The following UBQLN1 variants were observed in gnomAD, a reference collection of about 807,000 sequenced individuals.
The protein encoded by UBQLN1 is ubiquilin-1.
Under a neutral mutation model 65.4 loss-of-function variants are expected in UBQLN1, and 13 were observed. The observed-to-expected ratio is 0.20, with a 90% CI of 0.13 to 0.32. The LOEUF is 0.32. UBQLN1 is among the 10% of genes least tolerant of loss of function. UBQLN1 has a pLI of 1.00. For synonymous variants in UBQLN1, 267 were observed against 247.8 expected (o/e 1.08, Z -0.73); for missense variants, 561 against 724.0 (o/e 0.77, Z 2.58).
At chr9:83,692,745 G>A (rs1273201687) in intron 1 of UBQLN1, among the ~76,000 whole-genome samples, 1 of 152,150 alleles carries the variant, frequency 6.6e-6, no homozygotes, top group East Asian at 1.9e-4. Context: ...CCAGCTACTT[G>A]GGAGGCTGGG....
intron 7 of UBQLN1, 120 bp from the exon 8 acceptor site, chr9:83,666,553 C>A: frequency 3.4e-6 from 3 of 878,768 alleles, no homozygotes; most frequent in Admixed American, 2.6e-5. Flanking sequence ...GAAGGTAGAA[C>A]ATAAATAAAA....
At chr9:83,702,928 C>T (rs1832335606) in intron 1 of UBQLN1, among the ~76,000 whole-genome samples, 1 of 152,140 alleles carries the variant, frequency 6.6e-6, no homozygotes, top group African/African-American at 2.4e-5. Flanking sequence ...CTTTCTAAAA[C>T]CAGAGTATAT....
At chr9:83,670,233 T>C (rs989696679) in intron 6 of UBQLN1, among the ~76,000 whole-genome samples, 3 of 152,118 alleles carry the variant, frequency 2.0e-5, no homozygotes, top group Non-Finnish European at 4.4e-5. Flanking sequence ...AGTCAACTCA[T>C]TAGGTTTTTC....
intron 1 of UBQLN1, among the ~76,000 whole-genome samples, chr9:83,703,302 C>T (rs1258460221): frequency 2.6e-5 from 4 of 152,030 alleles, no homozygotes; most frequent in African/African-American, 9.7e-5. Context: ...AATTTTTTAA[C>T]ACCATGACAT....
intron 1 of UBQLN1, among the ~76,000 whole-genome samples, chr9:83,705,210 C>G (rs1326674960): frequency 6.7e-6 from 1 of 149,572 alleles, no homozygotes; most frequent in Non-Finnish European, 1.5e-5. Context: ...ATGATACAAG[C>G]ATTTTTCAGT....
At chr9:83,700,147 T>C (rs1016397869) in intron 1 of UBQLN1, among the ~76,000 whole-genome samples, 2 of 152,214 alleles carry the variant, frequency 1.3e-5, no homozygotes, top group African/African-American at 4.8e-5. Context: ...AATGGATAGC[T>C]ATTCATATCA....
At position 83,664,049 on chromosome 9, in the gene UBQLN1, G is replaced by A; in HGVS notation, c.1449-6C>T. On this transcript the variant is annotated splice_region_variant and splice_polypyrimidine_tract_variant and intron_variant, in intron 9 of 10. Transcript: ENST00000376395. ...CCCCCAAGCCAGGAGTAAACCTACAGAAAGCACAAATAGGAAATATCCTAA... is the reference window on the plus strand; with the variant it reads ...CCCCCAAGCCAGGAGTAAACCTACAAAAAGCACAAATAGGAAATATCCTAA... The A allele has an allele frequency of 6.2e-7, 1 of 1,610,598 alleles. No individual in the cohort carries two copies.
At chr9:83,677,565 A>AAAAACAAAAC (rs138593223) in intron 6 of UBQLN1, among the ~76,000 whole-genome samples, 162 bp downstream of exon 6, 54 of 151,876 alleles carry the variant, frequency 3.6e-4, no homozygotes, top group East Asian at 2.3e-3. Flanking sequence ...TCTATCTCAA[A>AAAAACAAAAC]AAAACAAAAC....
intron 1 of UBQLN1, among the ~76,000 whole-genome samples, chr9:83,699,715 A>G (rs1413848696): frequency 6.6e-6 from 1 of 152,204 alleles, no homozygotes; most frequent in Non-Finnish European, 1.5e-5. Flanking sequence ...TGAACAAGAT[A>G]TATTAACAGG....
intron 6 of UBQLN1, among the ~76,000 whole-genome samples, chr9:83,669,795 C>T (rs926809116): frequency 6.6e-6 from 1 of 152,208 alleles, no homozygotes; most frequent in Admixed American, 6.5e-5. Flanking sequence ...CCCATTTTCA[C>T]TGTGTACTGC....
At chr9:83,669,703 CAT>C (rs1219101283) in intron 6 of UBQLN1, among the ~76,000 whole-genome samples, 3 of 152,188 alleles carry the variant, frequency 2.0e-5, no homozygotes, top group East Asian at 1.9e-4. Flanking sequence ...TAATTAGAAT[CAT>C]ATTCGGCACT....
intron 1 of UBQLN1, among the ~76,000 whole-genome samples, chr9:83,688,053 C>T (rs1271953284): frequency 6.6e-6 from 1 of 152,164 alleles, no homozygotes; most frequent in African/African-American, 2.4e-5. Context: ...TTTAACTATA[C>T]TCCCATTATT....
chr9:83,673,580 A>AAAAAAAAAAAC (rs1554727531), intron 6 of UBQLN1, among the ~76,000 whole-genome samples: 1 of 109,594 alleles, frequency 9.1e-6, no homozygotes, highest in African/African-American at 4.1e-5. Flanking sequence ...AAAAAAAAAA[A>AAAAAAAAAAAC]CTGCGCTTAC....
chr9:83,675,544 C>T (rs1207312633), intron 6 of UBQLN1, among the ~76,000 whole-genome samples: 1 of 152,106 alleles, frequency 6.6e-6, no homozygotes, highest in African/African-American at 2.4e-5. Context: ...GCTCATACCA[C>T]CAGCAACATT....
intron 6 of UBQLN1, among the ~76,000 whole-genome samples, chr9:83,671,940 T>C (rs1346688649): frequency 1.3e-5 from 2 of 152,252 alleles, no homozygotes; most frequent in Non-Finnish European, 2.9e-5. Context: ...GCCACGTTCC[T>C]TGATGATCTT....
In UBQLN1 at chr9:83,697,251, T is replaced by TG. The variant is rs1232653261; in HGVS notation, c.180+10248_180+10249insC. On this transcript the variant is annotated intron_variant, in intron 1 of 10. Coordinates refer to ENST00000376395, the MANE Select transcript of UBQLN1 (RefSeq NM_013438.5). The stretch of plus-strand genomic sequence containing the variant: ...TGAGTCTCAGTATCTTCTGGTTTTT[T>TG]TTTTTTTTTTTAAGACATAGGCCAG... 4.0e-5 allele frequency among the ~76,000 whole-genome samples: 6 copies of TG among 151,570 alleles called. No homozygotes were observed. The South Asian group carries it at 8.4e-4, about 21-fold the overall frequency.
chr9:83,680,349 A>G (rs994391409), intron 3 of UBQLN1, among the ~76,000 whole-genome samples: 69 of 152,244 alleles, frequency 4.5e-4, no homozygotes, highest in African/African-American at 1.5e-3. Flanking sequence ...TCTGAGTGAC[A>G]GGAGTATCTT....
At chr9:83,677,189 TCTAGTAACAACTACACAGGTAA>T (rs1227905664) in intron 6 of UBQLN1, among the ~76,000 whole-genome samples, 1 of 152,186 alleles carries the variant, frequency 6.6e-6, no homozygotes, top group East Asian at 1.9e-4. Flanking sequence ...AAACATGTGC[TCTAGTAACAACTACACAGGTAA>T]CTAGTAACAA....
At chr9:83,669,409 T>G in intron 6 of UBQLN1, 82 bp from the exon 7 acceptor site, 1 of 1,302,462 alleles carries the variant, frequency 7.7e-7, no homozygotes, top group Non-Finnish European at 1.0e-6. Context: ...ATATGCACTG[T>G]GTTTAATTTC....
Sources: gnomAD v4.1 joint callset for allele counts (sites outside exome capture counted in the v4.1 genomes callset) on GRCh38, gnomAD v4.1.1 for gene constraint, MANE v1.5 for transcripts, NCBI Gene and HGNC (gene_info 2026-07-23, HGNC 2026-07-21) for gene names.